The following EIF4ENIF1 variants were observed in gnomAD, a reference collection of about 807,000 sequenced individuals.
The protein encoded by EIF4ENIF1 is eukaryotic translation initiation factor 4E transporter.
A neutral mutation model predicts 110.5 loss-of-function variants in EIF4ENIF1; 23 were observed. The ratio of observed to expected loss-of-function variants is 0.21; its 90% CI spans 0.15 to 0.29. The LOEUF (loss-of-function observed/expected upper bound fraction) is 0.29. Among genes scored for constraint, EIF4ENIF1 ranks in the 10% least tolerant of loss-of-function variants. The probability of loss-of-function intolerance (pLI) is 1.00; values close to 1 mark genes in which losing one functional copy is unlikely to be tolerated. For synonymous variants in EIF4ENIF1, 440 were observed against 437.0 expected, an observed-to-expected ratio of 1.01 and a Z score of -0.09; for missense variants, 1,031 against 1,221.1, an observed-to-expected ratio of 0.84 and a Z score of 2.32.
At chr22:31,452,987 C>T (rs2050719193) in intron 10 of EIF4ENIF1, among the ~76,000 whole-genome samples, 1 of 152,144 alleles carries the variant, frequency 6.6e-6, no homozygotes, top group Non-Finnish European at 1.5e-5. Context: ...ACAGCTATTG[C>T]TACTTGCATC....
Position 31,454,133 on chromosome 22 carries a change from C to T in EIF4ENIF1, c.1512+11G>A. 6.2e-7 allele frequency: 1 copy of T among 1,612,086 alleles called. No homozygotes were observed. Among genetic ancestry groups the T allele is most frequent in the Non-Finnish European group, 8.5e-7 (1 of 1,178,292 alleles). On this transcript the variant is annotated intron_variant, in intron 10 of 18. Coordinates refer to ENST00000330125, the MANE Select transcript of EIF4ENIF1 (RefSeq NM_019843.4). ...GGAGAAAAGGGTGGGGGGTTTGTGT[C>T]AGATACTTACGCTGACTTTGGGCTG...
chr22:31,472,798 G>C (rs929619819), intron 2 of EIF4ENIF1, among the ~76,000 whole-genome samples: 1 of 152,028 alleles, frequency 6.6e-6, no homozygotes, highest in African/African-American at 2.4e-5. Context: ...ATTACCTCAA[G>C]TATTTATCCT....
chr22:31,493,491 A>G (rs892057748), upstream of EIF4ENIF1, among the ~76,000 whole-genome samples: 16 of 152,152 alleles, frequency 1.1e-4, no homozygotes, highest in African/African-American at 2.2e-4. Context: ...ACACCTGGCT[A>G]ACTTTTGTAT....
intron 15 of EIF4ENIF1, chr22:31,443,533 T>G (rs1465797697): frequency 1.3e-5 from 2 of 157,446 alleles, no homozygotes; most frequent in Non-Finnish European, 2.8e-5. Flanking sequence ...CCATCAGGAT[T>G]AATCATTTGG....
At chr22:31,484,703 G>A (rs1026264315) in intron 2 of EIF4ENIF1, among the ~76,000 whole-genome samples, 2 of 152,132 alleles carry the variant, frequency 1.3e-5, no homozygotes, top group East Asian at 1.9e-4. Context: ...GCGTGGTGGC[G>A]CATGCTTGTA....
Position 31,477,390 on chromosome 22 carries a change from A to AAAAAG in EIF4ENIF1, c.97-5474_97-5473insCTTTT, listed in dbSNP as rs1381135932. On this transcript the variant is annotated intron_variant, in intron 2 of 18. Transcript: ENST00000330125. ...AAAAAAAAAACAAAAAAAACAAAAA[A>AAAAAG]AGAGAATTTGAAATTGAGAGGTTAT... Among the ~76,000 whole-genome samples, 94 of 133,678 alleles carry AAAAAG rather than the reference A, an allele frequency of 7.0e-4. 2 individuals are homozygous for AAAAAG. Among genetic ancestry groups the AAAAAG allele is most frequent in the South Asian group, 9.5e-4 (4 of 4,218 alleles). The allele number at this position is 133,678 out of a possible 152,430, so 87.7% of individuals were successfully genotyped here. A position where few individuals can be genotyped will look rare whatever the true frequency, so the allele number is the denominator to read the frequency against.
chr22:31,456,923 G>T (rs2145959981), intron 7 of EIF4ENIF1, among the ~76,000 whole-genome samples: 1 of 152,332 alleles, frequency 6.6e-6, no homozygotes, highest in Non-Finnish European at 1.5e-5. Context: ...AGAGAACAGT[G>T]TCAATGCCAC....
chr22:31,480,285 A>G (rs1441005566), intron 2 of EIF4ENIF1, among the ~76,000 whole-genome samples: 2 of 152,226 alleles, frequency 1.3e-5, no homozygotes, highest in East Asian at 1.9e-4. Flanking sequence ...ACTTTTGGTG[A>G]TCACTATTAA....
In EIF4ENIF1 at chr22:31,482,419, C is replaced by T. The variant is rs577764061; in HGVS notation, c.96+6204G>A. On this transcript the variant is annotated intron_variant, in intron 2 of 18. Coordinates refer to ENST00000330125, the MANE Select transcript of EIF4ENIF1 (RefSeq NM_019843.4). The stretch of plus-strand genomic sequence containing the variant: ...CTATTTGGCCGGGTGCGGTAGCTCA[C>T]GCCTGTAATCCCAGCACTTTGGCAG... Among the ~76,000 whole-genome samples, 451 of 152,260 alleles carry T rather than the reference C, an allele frequency of 3.0e-3. 1 individual carries two copies. Among genetic ancestry groups the T allele is most frequent in the African/African-American group, 0.011 (438 of 41,530 alleles).
intron 12 of EIF4ENIF1, among the ~76,000 whole-genome samples, chr22:31,448,902 G>C (rs2050560950): frequency 6.6e-6 from 1 of 151,940 alleles, no homozygotes; most frequent in South Asian, 2.1e-4. Context: ...TAAGACTAAA[G>C]AGCTAGATCA....
chr22:31,491,097 C>T (rs2052264980), upstream of EIF4ENIF1, among the ~76,000 whole-genome samples: 1 of 152,120 alleles, frequency 6.6e-6, no homozygotes, highest in Non-Finnish European at 1.5e-5. Context: ...ATCTCTGCCA[C>T]CTCCTACAAG....
At chr22:31,463,627 C>T (rs891206976) in intron 5 of EIF4ENIF1, 54 bp downstream of exon 5, 159 of 1,427,124 alleles carry the variant, frequency 1.1e-4, no homozygotes, top group Non-Finnish European at 1.3e-4. Flanking sequence ...GCCTGGGCAA[C>T]AAGAGCGAAA....
In EIF4ENIF1 at chr22:31,471,677, G is replaced by A. The variant is rs2051384999; in HGVS notation, c.170+167C>T. Among the ~76,000 whole-genome samples, 2 of 152,094 alleles carry A rather than the reference G, an allele frequency of 1.3e-5. 1 individual carries two copies. The highest frequency in any genetic ancestry group is 4.2e-4 in the South Asian group (2 of 4,818). ...CTGACCAGGTCATCTTTTAATTTTA[G>A]TTTCATTCCTAGGTAGTTGAAACCC... On this transcript the variant is annotated intron_variant, in intron 3 of 18. Coordinates refer to ENST00000330125, the MANE Select transcript of EIF4ENIF1 (RefSeq NM_019843.4).
chr22:31,487,867 C>A (rs533457432), intron 2 of EIF4ENIF1, among the ~76,000 whole-genome samples: 1 of 151,944 alleles, frequency 6.6e-6, no homozygotes, highest in East Asian at 1.9e-4. Context: ...GGATATAACC[C>A]TTCTTGTCAT....
downstream of EIF4ENIF1, chr22:31,437,450 T>TCCCCCCCCCCCCCC (rs368145036): frequency 6.4e-5 from 8 of 125,000 alleles, no homozygotes; most frequent in Admixed American, 1.7e-4. Context: ...TTTGCCTTCA[T>TCCCCCCCCCCCCCC]CCCCCCCCCA....
At position 31,440,788 on chromosome 22, in the gene EIF4ENIF1, G is replaced by A. The variant is rs761415676; in HGVS notation, c.2632C>T (p.Pro878Ser). The change falls in exon 18 of 19, where the codon CCT becomes TCT. Residue 878 changes from proline to serine, a missense_variant. Physicochemically the swap from Pro to Ser is moderately conservative, Grantham distance 74 (BLOSUM62 -1). Transcript: ENST00000330125. ...TTTAAGAGAGGGTGACTAGCAGCAG[G>A]TAAAGGGTAAAAGGGCTGACCCAGG... ...PILGQPFYPL[P>S]AASHPLLNPR... The A allele has an allele frequency of 1.2e-6, 2 of 1,614,022 alleles. No individual in the cohort carries two copies. The highest frequency in any genetic ancestry group is 2.2e-5 in the East Asian group (1 of 44,890).
rs2050332806 is a variant in EIF4ENIF1, at chr22:31,442,479, A to ATC, written c.2207-363_2207-362dup. On this transcript the variant is annotated intron_variant, in intron 16 of 18. Coordinates refer to ENST00000330125, the MANE Select transcript of EIF4ENIF1 (RefSeq NM_019843.4). ...TCAAACACAGGCAAAAATCTCTCAG[A>ATC]TCTGTACTTTTAACACCTCTGTAAA... Among the ~76,000 whole-genome samples, 3 of 152,208 alleles carry ATC rather than the reference A, an allele frequency of 2.0e-5. No homozygotes were observed. The South Asian group carries it at 6.2e-4, about 32-fold the overall frequency.
At chr22:31,471,219 GC>G (rs2051365551) in intron 3 of EIF4ENIF1, among the ~76,000 whole-genome samples, 1 of 151,580 alleles carries the variant, frequency 6.6e-6, no homozygotes, top group African/African-American at 2.4e-5. Flanking sequence ...AACCAAGAGC[GC>G]CCCTGAGCAG....
chr22:31,453,356 A>G (rs1224402140), intron 10 of EIF4ENIF1: 3 of 399,492 alleles, frequency 7.5e-6, no homozygotes, highest in South Asian at 5.5e-5. Context: ...GAATGTAATT[A>G]TCCTGACAAA....
Sources: allele counts gnomAD v4.1 joint callset (sites outside exome capture counted in the v4.1 genomes callset), GRCh38; gene constraint gnomAD v4.1.1; transcripts MANE v1.5; gene names NCBI Gene and HGNC (gene_info 2026-07-23, HGNC 2026-07-21).